CAMTA1: variants seen among roughly 807,000 people sequenced by gnomAD.
CAMTA1 encodes calmodulin binding transcription activator 1.
A neutral mutation model predicts 170.9 loss-of-function variants in CAMTA1; 27 were observed. The ratio of observed to expected loss-of-function variants is 0.16; its 90% CI spans 0.12 to 0.22. The LOEUF (loss-of-function observed/expected upper bound fraction) is 0.22, where lower values mean the gene tolerates loss of function less well. Ranked by LOEUF, CAMTA1 falls within the 10% of genes least tolerant of loss-of-function variation. The pLI is 1.00. For missense variants in CAMTA1, 1,619 were observed against 2,217.2 expected, an observed-to-expected ratio of 0.73 and a Z score of 5.42; for synonymous variants, 833 against 891.5, an observed-to-expected ratio of 0.93 and a Z score of 1.17.
At chr1:6,898,986 C>T (rs1346971638) in intron 3 of CAMTA1, among the ~76,000 whole-genome samples, 1 of 152,150 alleles carries the variant, frequency 6.6e-6, no homozygotes, top group Non-Finnish European at 1.5e-5. Context: ...CCTGAGTACC[C>T]ACAAGCTCGC....
At chr1:7,134,668 A>G (rs777160112) in intron 4 of CAMTA1, among the ~76,000 whole-genome samples, 5 of 152,156 alleles carry the variant, frequency 3.3e-5, no homozygotes, top group Non-Finnish European at 7.3e-5. Context: ...TGTCTTTGCT[A>G]TTGTGAACAC....
chr1:7,107,532 A>T (rs1234403609), intron 4 of CAMTA1, among the ~76,000 whole-genome samples: 1 of 152,134 alleles, frequency 6.6e-6, no homozygotes, highest in Admixed American at 6.5e-5. Context: ...GGTGGCGTTG[A>T]CATAAATGAT....
chr1:6,911,229 A>G lies in CAMTA1; in HGVS notation c.234+86019A>G, dbSNP rs563215572. On this transcript the variant is annotated intron_variant, in intron 3 of 22. Transcript: ENST00000303635. ...AGCTCAGGACTGGGAGCTGGTGGCA[A>G]ATGGCAGGCTGGCTCTGTGAGGTGG... Among the ~76,000 whole-genome samples the G allele has an allele frequency of 4.6e-5, 7 of 152,244 alleles. No individual in the cohort carries two copies. In the East Asian group the frequency reaches 5.8e-4, roughly 13 times the overall value.
intron 6 of CAMTA1, among the ~76,000 whole-genome samples, chr1:7,535,381 T>G (rs2094537396): frequency 6.6e-6 from 1 of 152,170 alleles, no homozygotes; most frequent in Admixed American, 6.5e-5. Flanking sequence ...GAAAGCCTGC[T>G]GGTGTGCAGG....
chr1:7,757,032 C>T (rs892066260), intron 22 of CAMTA1, among the ~76,000 whole-genome samples: 3 of 152,176 alleles, frequency 2.0e-5, no homozygotes, highest in African/African-American at 7.2e-5. Context: ...AATGCCCCCT[C>T]TTCTTAACCT....
chr1:7,542,879 G>GTTT (rs1553196781), intron 6 of CAMTA1, among the ~76,000 whole-genome samples: 1 of 138,172 alleles, frequency 7.2e-6, no homozygotes, highest in Admixed American at 7.3e-5. Flanking sequence ...GTGTGTGTGT[G>GTTT]TTTGAGCCGG....
chr1:7,514,033 G>A (rs2094244514), intron 6 of CAMTA1, among the ~76,000 whole-genome samples: 1 of 152,214 alleles, frequency 6.6e-6, no homozygotes, highest in Non-Finnish European at 1.5e-5. Flanking sequence ...TTAACTAATT[G>A]TATCAGCAAT....
chr1:7,695,321 G>A (rs1046298055), intron 11 of CAMTA1, among the ~76,000 whole-genome samples: 3 of 152,244 alleles, frequency 2.0e-5, no homozygotes, highest in African/African-American at 4.8e-5. Context: ...AGAAGAGGGC[G>A]CGGCAGGGAG....
At chr1:7,699,416 G>A (rs936481689) in intron 11 of CAMTA1, among the ~76,000 whole-genome samples, 1 of 152,092 alleles carries the variant, frequency 6.6e-6, no homozygotes, top group Non-Finnish European at 1.5e-5. Flanking sequence ...CTTGCACTTA[G>A]CATGATGTTT....
intron 5 of CAMTA1, among the ~76,000 whole-genome samples, chr1:7,282,830 T>G (rs1365399642): frequency 1.3e-5 from 2 of 152,028 alleles, no homozygotes; most frequent in Non-Finnish European, 2.9e-5. Context: ...TCAGGAACAA[T>G]GATAGTTTTC....
chr1:6,789,177 T>G (rs1640300824), intron 1 of CAMTA1, among the ~76,000 whole-genome samples: 1 of 151,536 alleles, frequency 6.6e-6, no homozygotes, highest in Non-Finnish European at 1.5e-5. Flanking sequence ...CAAGGTCAGA[T>G]TGGGTCAGCT....
chr1:7,013,152 C>T (rs145041565), intron 3 of CAMTA1, among the ~76,000 whole-genome samples: 29 of 150,116 alleles, frequency 1.9e-4, no homozygotes, highest in South Asian at 4.3e-4. Context: ...CAGCACTTCT[C>T]GCTGGGGAAG....
At chr1:7,567,832 A>C (rs2095061522) in intron 6 of CAMTA1, among the ~76,000 whole-genome samples, 1 of 152,170 alleles carries the variant, frequency 6.6e-6, no homozygotes. Context: ...GAAGAGAGAA[A>C]ACTCCGGTCC....
Position 7,044,415 on chromosome 1 carries a change from C to T in CAMTA1, c.235-46889C>T, listed in dbSNP as rs919995098. 6.6e-6 allele frequency among the ~76,000 whole-genome samples: 1 copy of T among 151,670 alleles called. No homozygotes were observed. The highest frequency in any genetic ancestry group is 2.4e-5 in the African/African-American group (1 of 41,236). ...GCTGGGGACGCCGAGGACGCAGAGCCGTGCCACTGGGGACCCCGGGAAAGC... is the reference window on the plus strand; with the variant it reads ...GCTGGGGACGCCGAGGACGCAGAGCTGTGCCACTGGGGACCCCGGGAAAGC... On this transcript the variant is annotated intron_variant, in intron 3 of 22. Coordinates refer to ENST00000303635, the MANE Select transcript of CAMTA1 (RefSeq NM_015215.4). This position sits in a 1 kb window ranked among gnomAD's most constrained non-coding sequence, Gnocchi z 5.0.
At chr1:7,315,476 G>A (rs1677352606) in intron 5 of CAMTA1, among the ~76,000 whole-genome samples, 1 of 152,212 alleles carries the variant, frequency 6.6e-6, no homozygotes, top group Non-Finnish European at 1.5e-5. Flanking sequence ...TGAAGCCTGG[G>A]AAACAGGCCT....
chr1:7,034,706 A>G (rs996017408), intron 3 of CAMTA1, among the ~76,000 whole-genome samples: 1 of 152,174 alleles, frequency 6.6e-6, no homozygotes, highest in Non-Finnish European at 1.5e-5. Flanking sequence ...TGGAAACTCT[A>G]TAGCAAGAAA....
At chr1:7,503,032 G>A (rs549597143) in intron 6 of CAMTA1, among the ~76,000 whole-genome samples, 72 of 152,284 alleles carry the variant, frequency 4.7e-4, no homozygotes, top group Admixed American at 2.9e-3. Flanking sequence ...CCTCTTAGCC[G>A]GGGCCTGGCA....
intron 5 of CAMTA1, among the ~76,000 whole-genome samples, chr1:7,331,627 G>T (rs2083042550): frequency 6.6e-6 from 1 of 152,168 alleles, no homozygotes; most frequent in African/African-American, 2.4e-5. Flanking sequence ...TATGAGCAGG[G>T]TCTAGAACCC....
At chr1:7,515,507 CAG>C (rs373947025) in intron 6 of CAMTA1, among the ~76,000 whole-genome samples, 91 of 152,300 alleles carry the variant, frequency 6.0e-4, no homozygotes, top group African/African-American at 1.9e-3. Context: ...ATGGCCCAGT[CAG>C]GGGTGGCTGC....
Sources: gnomAD v4.1 joint callset for allele counts (sites outside exome capture counted in the v4.1 genomes callset) on GRCh38, gnomAD v4.1.1 for gene constraint, Gnocchi (gnomAD v3.1) non-coding constraint, MANE v1.5 for transcripts, NCBI Gene and HGNC (gene_info 2026-07-23, HGNC 2026-07-21) for gene names.